KAZN: variants seen among roughly 807,000 people sequenced by gnomAD.
KAZN encodes kazrin, periplakin interacting protein, also known as kazrin.
Under a neutral mutation model 87.4 loss-of-function variants are expected in KAZN, and 40 were observed. The ratio of observed to expected loss-of-function variants is 0.46; its 90% CI spans 0.36 to 0.60. KAZN has a LOEUF of 0.60. Among genes scored for constraint, KAZN ranks in the 20% least tolerant of loss-of-function variants. The probability of loss-of-function intolerance (pLI) is 0.00; values close to 1 mark genes in which losing one functional copy is unlikely to be tolerated. For synonymous variants in KAZN, 466 were observed against 458.3 expected (o/e 1.02, Z -0.22); for missense variants, 898 against 1,073.9 (o/e 0.84, Z 2.29).
At chr1:14,527,431 C>T (rs1028639677) in intron 2 of KAZN, among the ~76,000 whole-genome samples, 1 of 151,966 alleles carries the variant, frequency 6.6e-6, no homozygotes, top group African/African-American at 2.4e-5. Flanking sequence ...CACCTGTAAT[C>T]CCGACTACTT....
chr1:14,226,245 A>G (rs1375253670), intron 2 of KAZN, among the ~76,000 whole-genome samples: 2 of 152,230 alleles, frequency 1.3e-5, no homozygotes, highest in African/African-American at 4.8e-5. Flanking sequence ...AAATGGGCAA[A>G]GGACATGAAC....
rs1008251683 is a variant in KAZN at position 15,077,655 on chromosome 1, G to A, written c.1222+11902G>A. On this transcript the variant is annotated intron_variant, in intron 8 of 14. Coordinates refer to ENST00000376030, the MANE Select transcript of KAZN (RefSeq NM_201628.3). The surrounding 1 kb of genome is among the most constrained non-coding windows in gnomAD (Gnocchi z 4.8). ...CGGAGTCTCTGGGACTCAGAGATGGGGGTTGGGGGTTTCACCTTCAGGTGA... is the reference window on the plus strand; with the variant it reads ...CGGAGTCTCTGGGACTCAGAGATGGAGGTTGGGGGTTTCACCTTCAGGTGA... Among the ~76,000 whole-genome samples the A allele has an allele frequency of 2.0e-4, 30 of 152,210 alleles. No homozygotes were observed. Among genetic ancestry groups the A allele is most frequent in the African/African-American group, 7.0e-4 (29 of 41,444 alleles).
chr1:13,969,505 A>G (rs1642063967), intron 1 of KAZN, among the ~76,000 whole-genome samples: 1 of 152,180 alleles, frequency 6.6e-6, no homozygotes, highest in Non-Finnish European at 1.5e-5. Context: ...GGCATGAAAC[A>G]GATTCTCTAT....
chr1:14,670,098 T>TCCCTCACCAGCCCTCCCCTC (rs1639827567), intron 1 of KAZN, among the ~76,000 whole-genome samples: 1 of 151,894 alleles, frequency 6.6e-6, no homozygotes, highest in Non-Finnish European at 1.5e-5. Context: ...TCCCTTCCCT[T>TCCCTCACCAGCCCTCCCCTC]CCCTCCCCAG....
chr1:14,003,997 A>C (rs1639926911), intron 1 of KAZN, among the ~76,000 whole-genome samples: 1 of 152,214 alleles, frequency 6.6e-6, no homozygotes. Context: ...CATTTACATA[A>C]TATATAAAGG....
At chr1:15,103,579 A>G (rs1641174429) in intron 12 of KAZN, 119 bp downstream of exon 12, 1 of 726,874 alleles carries the variant, frequency 1.4e-6, no homozygotes, top group Middle Eastern at 2.3e-4. Flanking sequence ...ATGCAAATCA[A>G]TGGGCAAATC....
chr1:15,109,769 G>GTC (rs149785707), intron 13 of KAZN, among the ~76,000 whole-genome samples: 1 of 42,642 alleles, frequency 2.3e-5, no homozygotes, highest in African/African-American at 1.8e-4. Flanking sequence ...GTGTCTGTAT[G>GTC]TCTGTGTATA....
At chr1:13,958,491 A>G (rs964770806) in intron 1 of KAZN, among the ~76,000 whole-genome samples, 2 of 151,090 alleles carry the variant, frequency 1.3e-5, no homozygotes, top group African/African-American at 2.4e-5. Context: ...GGAGAATGGC[A>G]TGAACCCGGG....
intron 1 of KAZN, among the ~76,000 whole-genome samples, chr1:13,950,966 GA>G (rs951859196): frequency 1.7e-4 from 26 of 152,192 alleles, no homozygotes; most frequent in African/African-American, 6.0e-4. Flanking sequence ...TGTCAAAGGA[GA>G]AGATAGAACG....
chr1:14,788,789 G>T (rs759403384), intron 1 of KAZN, among the ~76,000 whole-genome samples: 1 of 152,050 alleles, frequency 6.6e-6, no homozygotes, highest in East Asian at 1.9e-4. Context: ...ACTTGTACAC[G>T]TGGGAGGTCA....
At chr1:14,695,160 A>G (rs1233106313) in intron 1 of KAZN, among the ~76,000 whole-genome samples, 1 of 152,230 alleles carries the variant, frequency 6.6e-6, no homozygotes, top group African/African-American at 2.4e-5. Flanking sequence ...TGATGCTATC[A>G]TATTGCTTTG....
intron 1 of KAZN, among the ~76,000 whole-genome samples, chr1:13,930,410 A>G (rs1015904887): frequency 2.0e-5 from 3 of 152,202 alleles, no homozygotes; most frequent in African/African-American, 7.2e-5. Context: ...GCTTCCTATA[A>G]GCCATTGGTT....
At position 13,975,319 on chromosome 1, in the gene KAZN, C is replaced by T. The variant is rs1481068248; in HGVS notation, c.91+81563C>T. ...CACTGTTCAGAACACTTGGTTACTTCATCACAGCCCATACCAAGCATATAA... is the reference window on the plus strand; with the variant it reads ...CACTGTTCAGAACACTTGGTTACTTTATCACAGCCCATACCAAGCATATAA... On this transcript the variant is annotated intron_variant, in intron 1 of 16. Coordinates refer to the KAZN transcript ENST00000636203. Among the ~76,000 whole-genome samples, 3 of 152,210 alleles carry T rather than the reference C, an allele frequency of 2.0e-5. No individual in the cohort carries two copies. In the East Asian group the frequency reaches 5.8e-4, roughly 29 times the overall value.
At chr1:14,807,459 A>G (rs1646258415) in intron 1 of KAZN, among the ~76,000 whole-genome samples, 1 of 152,094 alleles carries the variant, frequency 6.6e-6, no homozygotes, top group Admixed American at 6.5e-5. Context: ...GCCAAAATAT[A>G]TTTATTACTG....
intron 1 of KAZN, among the ~76,000 whole-genome samples, chr1:14,681,663 T>A (rs1265545029): frequency 7.8e-3 from 60 of 7,682 alleles, no homozygotes; most frequent in East Asian, 0.025. Context: ...ATATATTTTT[T>A]TTTTTTTTTT....
At chr1:14,883,355 A>AAAGAAAAGAAAGAAAGAAAGAAAG in intron 1 of KAZN, among the ~76,000 whole-genome samples, 1 of 20,620 alleles carries the variant, frequency 4.8e-5, no homozygotes, top group Non-Finnish European at 9.5e-5. Context: ...AGAAAGAAAG[A>AAAGAAAAGAAAGAAAGAAAGAAAG]AAAGAAAGAA....
intron 2 of KAZN, among the ~76,000 whole-genome samples, chr1:14,305,905 GA>G (rs2100795209): frequency 6.6e-6 from 1 of 152,248 alleles, no homozygotes; most frequent in East Asian, 1.9e-4. Flanking sequence ...TAGGGGCTCT[GA>G]TGTTAACAGG....
intron 1 of KAZN, among the ~76,000 whole-genome samples, chr1:14,948,880 G>C (rs1662136212): frequency 6.6e-6 from 1 of 152,132 alleles, no homozygotes; most frequent in Non-Finnish European, 1.5e-5. Context: ...CATTAGGCCA[G>C]TCATGGTGGC....
chr1:14,250,263 C>T (rs1030591230), intron 2 of KAZN, among the ~76,000 whole-genome samples: 6 of 152,102 alleles, frequency 3.9e-5, no homozygotes, highest in East Asian at 3.9e-4. Flanking sequence ...CTAATCATTA[C>T]GTTTTACTCA....
Sources: allele counts gnomAD v4.1 joint callset (sites outside exome capture counted in the v4.1 genomes callset), GRCh38; gene constraint gnomAD v4.1.1; non-coding constraint Gnocchi (gnomAD v3.1); transcripts MANE v1.5; gene names NCBI Gene and HGNC (gene_info 2026-07-23, HGNC 2026-07-21).